Variants in SULT1C4 observed in about 807,000 individuals in gnomAD.
The protein encoded by SULT1C4 is sulfotransferase family 1C member 4, also known as sulfotransferase 1C4.
In SULT1C4, 32 loss-of-function variants were observed where a neutral mutation model predicts 34.8. That is an observed-to-expected ratio of 0.92 (90% confidence interval 0.69 to 1.23). The LOEUF (loss-of-function observed/expected upper bound fraction) is 1.23, where lower values mean the gene tolerates loss of function less well. Ranked by LOEUF, SULT1C4 falls within the 50% of genes most tolerant of loss-of-function variation. The pLI, the probability that SULT1C4 is intolerant of heterozygous loss-of-function variation, is 0.00. For missense variants in SULT1C4, 375 were observed against 365.9 expected, an observed-to-expected ratio of 1.02 and a Z score of -0.20; for synonymous variants, 111 against 120.5, an observed-to-expected ratio of 0.92 and a Z score of 0.51.
rs1678426140 is a variant in SULT1C4, at chr2:108,382,333, G to A, written c.296-52G>A. 7.8e-6 allele frequency: 11 copies of A among 1,407,924 alleles called. No homozygotes were observed. The South Asian group carries it at 1.1e-4, about 14-fold the overall frequency. The allele number at this position is 1,407,924 out of a possible 1,614,324, so 87.2% of individuals were successfully genotyped here. A position where few individuals can be genotyped will look rare whatever the true frequency, so the allele number is the denominator to read the frequency against. ...ATAATGGAAGCAGCAAGACTTGGAA[G>A]CAAATAGATAAAAAAAAAATCGTAG... On this transcript the variant is annotated intron_variant, in intron 2 of 6. Coordinates refer to ENST00000272452, the MANE Select transcript of SULT1C4 (RefSeq NM_006588.4).
chr2:108,378,204 C>A lies in SULT1C4; in HGVS notation c.-134C>A. On this transcript the variant is annotated 5_prime_UTR_variant, in exon 1 of 7. Coordinates refer to ENST00000272452, the MANE Select transcript of SULT1C4 (RefSeq NM_006588.4). ...ACTCACTTTCTCCCTGTTTGCTGGC[C>A]CAGACAGGCCTGTGCTAGAGGGCTG... The A allele has an allele frequency of 1.3e-6, 1 of 780,558 alleles. No individual in the cohort carries two copies. Among genetic ancestry groups the A allele is most frequent in the Non-Finnish European group, 2.0e-6 (1 of 507,920 alleles). 48.4% of individuals were successfully genotyped at this position (780,558 alleles called of 1,614,324 possible). A position where few individuals can be genotyped will look rare whatever the true frequency, so the allele number is the denominator to read the frequency against.
chr2:108,381,721 A>C, intron 1 of SULT1C4, 41 bp from the exon 2 acceptor site: 1 of 1,360,254 alleles, frequency 7.4e-7, no homozygotes, highest in Non-Finnish European at 9.5e-7. Context: ...GGAATGTACT[A>C]TACTAGATGT....
rs1212505448 is a variant in SULT1C4, at chr2:108,383,440, A to C, written c.545A>C (p.His182Pro). 2.5e-6 allele frequency: 4 copies of C among 1,614,164 alleles called. No individual in the cohort carries two copies. The change falls in exon 5 of 7, where the codon CAT (histidine) becomes CCT (proline). Residue 182 changes from histidine (H) to proline (P), a missense_variant. Transcript: ENST00000272452. ...GTGTGCTGGGGCTCCTGGCATGAAC[A>C]TGTGAAAGGATGGTGGGAAGCCAAA... ...GKVCWGSWHE[H>P]VKGWWEAKDK...
chr2:108,381,949 T>C, intron 2 of SULT1C4, 62 bp downstream of exon 2: 3 of 1,403,276 alleles, frequency 2.1e-6, no homozygotes, highest in Non-Finnish European at 2.8e-6. Context: ...TTTACTGTCT[T>C]TGCACCTTTC....
At position 108,381,865 on chromosome 2, in the gene SULT1C4, G is replaced by GA; in HGVS notation, c.277dup (p.Ile93AsnfsTer39). 1.3e-6 allele frequency: 2 copies of GA among 1,493,362 alleles called. No homozygotes were observed. The highest frequency in any genetic ancestry group is 1.8e-6 in the Non-Finnish European group (2 of 1,126,996). 92.5% of individuals were successfully genotyped at this position (1,493,362 alleles called of 1,614,324 possible). A position where few individuals can be genotyped will look rare whatever the true frequency, so the allele number is the denominator to read the frequency against. On this transcript the variant is annotated frameshift_variant, in exon 2 of 7. Transcript: ENST00000272452. LOFTEE classifies it high-confidence loss of function. ...ATCAACGATTTCCTTTCCTCGAAATGAAAATCCCATCCTTAGGATCTGGTG... is the reference window on the plus strand; with the variant it reads ...ATCAACGATTTCCTTTCCTCGAAATGAAAAATCCCATCCTTAGGATCTGGTG...
At chr2:108,382,691 G>A (rs922424629) in intron 3 of SULT1C4, 1 of 521,820 alleles carries the variant, frequency 1.9e-6, no homozygotes, top group Non-Finnish European at 3.4e-6. Context: ...ATCAGTTGAG[G>A]TCAGGGGTTC....
chr2:108,381,756 C>G lies in SULT1C4; in HGVS notation c.170-6C>G. The G allele has an allele frequency of 6.5e-6, 9 of 1,379,614 alleles. No individual in the cohort carries two copies. The highest frequency in any genetic ancestry group is 8.5e-6 in the Non-Finnish European group (9 of 1,060,524). The allele number at this position is 1,379,614 out of a possible 1,614,324, so 85.5% of individuals were successfully genotyped here. ...TCTATTCATCTTCATTTTACGTGCA[C>G]GTAAGGAACAACATGGACTCAGGAG... On this transcript the variant is annotated splice_polypyrimidine_tract_variant and splice_region_variant and intron_variant, in intron 1 of 6. Coordinates refer to ENST00000272452, the MANE Select transcript of SULT1C4 (RefSeq NM_006588.4).
Position 108,378,421 on chromosome 2 carries a change from G to T in SULT1C4, c.84G>T (p.Pro28=). 1.2e-6 allele frequency: 2 copies of T among 1,614,154 alleles called. No individual in the cohort carries two copies. Among genetic ancestry groups the T allele is most frequent in the Non-Finnish European group, 1.7e-6 (2 of 1,180,022 alleles). The change falls in exon 1 of 7, where the codon CCG becomes CCT. Residue 28 remains proline, a synonymous_variant. Transcript: ENST00000272452. The part of the protein sequence containing the change: ...SVNYVKGILQ[P]TDTCDIWDKI... ...ACTACGTGAAGGGAATTCTTCAACCGACAGACACCTGTGACATCTGGGATA... is the reference window on the plus strand; with the variant it reads ...ACTACGTGAAGGGAATTCTTCAACCTACAGACACCTGTGACATCTGGGATA...
At chr2:108,386,536 A>T (rs1573299634) in intron 6 of SULT1C4, among the ~76,000 whole-genome samples, 164 bp downstream of exon 6, 1 of 152,240 alleles carries the variant, frequency 6.6e-6, no homozygotes, top group African/African-American at 2.4e-5. Flanking sequence ...ATCGCGTTTA[A>T]TTAGCCAATT....
rs1281121105 is a variant in SULT1C4 at position 108,378,182 on chromosome 2, C to T, written c.-156C>T. The T allele has an allele frequency of 1.8e-5, 11 of 620,632 alleles. No individual in the cohort carries two copies. The highest frequency in any genetic ancestry group is 2.9e-5 in the Non-Finnish European group (11 of 374,882). 38.4% of individuals were successfully genotyped at this position (620,632 alleles called of 1,614,324 possible). The stretch of plus-strand genomic sequence containing the variant: ...AACCTGAGTCGGGAGGCCTGCAACT[C>T]ACTTTCTCCCTGTTTGCTGGCCCAG... On this transcript the variant is annotated 5_prime_UTR_variant, in exon 1 of 7. Coordinates refer to ENST00000272452, the MANE Select transcript of SULT1C4 (RefSeq NM_006588.4).
intron 5 of SULT1C4, among the ~76,000 whole-genome samples, chr2:108,383,851 T>G (rs911376393): frequency 4.8e-5 from 7 of 146,644 alleles, no homozygotes; most frequent in South Asian, 2.2e-4. Flanking sequence ...CTTTGGTTTT[T>G]GGGTTTTTTT....
intron 2 of SULT1C4, 44 bp from the exon 3 acceptor site, chr2:108,382,341 A>AG (rs145051924): frequency 0.14 from 209,937 of 1,486,036 alleles, 9,563 homozygotes; most frequent in African/African-American, 0.27. Context: ...AAGCAAATAG[A>AG]TAAAAAAAAA....
intron 3 of SULT1C4, 150 bp from the exon 4 acceptor site, chr2:108,382,943 C>G (rs531464969): frequency 5.2e-6 from 2 of 381,494 alleles, no homozygotes; most frequent in East Asian, 5.5e-5. Context: ...TCTCCCATAA[C>G]CAGGATGACA....
rs1373534588 is a variant in SULT1C4 at position 108,388,885 on chromosome 2, C to T, written c.*1453C>T. Among the ~76,000 whole-genome samples the T allele has an allele frequency of 6.6e-6, 1 of 152,222 alleles. No homozygotes were observed. The highest frequency in any genetic ancestry group is 1.5e-5 in the Non-Finnish European group (1 of 68,038). ...GTGCTTCAATAACCAGTCCCTTCCT[C>T]CTACAAACACTACAACCTGGAAAGC... On this transcript the variant is annotated 3_prime_UTR_variant, in exon 7 of 7. Coordinates refer to ENST00000272452, the MANE Select transcript of SULT1C4 (RefSeq NM_006588.4).
Position 108,383,074 on chromosome 2 carries a change from C to T in SULT1C4, c.394-19C>T, listed in dbSNP as rs762813647. On this transcript the variant is annotated intron_variant, in intron 3 of 6. Transcript: ENST00000272452. ...CTGTTTTTTTGCTTCTTCCCTTCCC[C>T]TCCCCTCATCATTCCCAGATAATCT... The T allele has an allele frequency of 4.5e-6, 7 of 1,547,266 alleles. No individual in the cohort carries two copies. The Middle Eastern group carries it at 5.2e-4, about 115-fold the overall frequency.
chr2:108,381,890 G>A lies in SULT1C4; in HGVS notation c.295+3G>A, dbSNP rs1678410237. On this transcript the variant is annotated splice_donor_region_variant and intron_variant, in intron 2 of 6. Transcript: ENST00000272452. ...GAAAATCCCATCCTTAGGATCTGGT[G>A]AGTATAAATAGCCACACTTCACTAC... is the stretch of plus-strand genomic sequence containing the variant. 2.7e-6 allele frequency: 4 copies of A among 1,483,034 alleles called. No individual in the cohort carries two copies. Among genetic ancestry groups the A allele is most frequent in the Non-Finnish European group, 3.6e-6 (4 of 1,120,844 alleles). The allele number at this position is 1,483,034 out of a possible 1,614,324, so 91.9% of individuals were successfully genotyped here.
Position 108,386,184 on chromosome 2 carries a change from G to T in SULT1C4, c.616-8G>T, listed in dbSNP as rs1201531467. 4 of 1,451,294 alleles carry T rather than the reference G, an allele frequency of 2.8e-6. No individual in the cohort carries two copies. The African/African-American group carries it at 4.3e-5, about 16-fold the overall frequency. 89.9% of individuals were successfully genotyped at this position (1,451,294 alleles called of 1,614,324 possible). ...AAATCATTACTTTTCTTTTGACTCTGATCATAGAACCCAAAGCATGAAATT... is the reference window on the plus strand; with the variant it reads ...AAATCATTACTTTTCTTTTGACTCTTATCATAGAACCCAAAGCATGAAATT... On this transcript the variant is annotated splice_region_variant and splice_polypyrimidine_tract_variant and intron_variant, in intron 5 of 6. Coordinates refer to ENST00000272452, the MANE Select transcript of SULT1C4 (RefSeq NM_006588.4).
chr2:108,378,928 C>A (rs1678318443), intron 1 of SULT1C4, among the ~76,000 whole-genome samples: 1 of 152,066 alleles, frequency 6.6e-6, no homozygotes, highest in Non-Finnish European at 1.5e-5. Context: ...ATGCTGATAT[C>A]ACCTCAGCAG....
chr2:108,383,530 A>C lies in SULT1C4; in HGVS notation c.615+20A>C. The C allele has an allele frequency of 6.2e-7, 1 of 1,606,746 alleles. No individual in the cohort carries two copies. The highest frequency in any genetic ancestry group is 8.5e-7 in the Non-Finnish European group (1 of 1,174,996). ...AAGAAGGTGAGCACAGTGCCATCTA[A>C]GGTGTACCCACTGGACCATAAAACA... is the stretch of plus-strand genomic sequence containing the variant. On this transcript the variant is annotated intron_variant, in intron 5 of 6. Coordinates refer to ENST00000272452, the MANE Select transcript of SULT1C4 (RefSeq NM_006588.4).
Sources: gnomAD v4.1 joint callset for allele counts (sites outside exome capture counted in the v4.1 genomes callset) on GRCh38, gnomAD v4.1.1 for gene constraint, MANE v1.5 for transcripts, NCBI Gene and HGNC (gene_info 2026-07-23, HGNC 2026-07-21) for gene names.